Variants in TTC28 observed in about 807,000 individuals in gnomAD.
The protein encoded by TTC28 is tetratricopeptide repeat protein 28.
In TTC28, 61 loss-of-function variants were observed where a neutral mutation model predicts 198.0. The observed-to-expected ratio is 0.31, with a 90% CI of 0.25 to 0.38. The LOEUF (loss-of-function observed/expected upper bound fraction) is 0.38. Among genes scored for constraint, TTC28 ranks in the 10% least tolerant of loss-of-function variants. The probability of loss-of-function intolerance (pLI) is 1.00; values close to 1 mark genes in which losing one functional copy is unlikely to be tolerated. For missense variants in TTC28, 2,678 were observed against 3,164.0 expected (o/e 0.85, Z 3.69); for synonymous variants, 1,171 against 1,297.8 (o/e 0.90, Z 2.10).
chr22:28,193,582 A>G (rs187045491), intron 5 of TTC28, among the ~76,000 whole-genome samples: 297 of 152,282 alleles, frequency 2.0e-3, no homozygotes, highest in African/African-American at 6.2e-3. Flanking sequence ...AAATAAAGGG[A>G]TGGAGGAAGA....
chr22:28,297,690 T>C lies in TTC28; in HGVS notation c.692A>G (p.Lys231Arg), dbSNP rs1475470230. 1.0e-5 allele frequency: 16 copies of C among 1,551,524 alleles called. No individual in the cohort carries two copies. In the Admixed American group the frequency reaches 3.1e-4, roughly 30 times the overall value. The change falls in exon 4 of 23, where the codon AAA becomes AGA. Residue 231 changes from lysine to arginine, a missense_variant. Physicochemically the swap from Lys to Arg is conservative, Grantham distance 26. Coordinates refer to ENST00000397906, the MANE Select transcript of TTC28 (RefSeq NM_001145418.2). ...AALKIGTCSL[K>R]LRGSVFSALS... Reference sequence around the variant, plus strand: ...GGCAGAGAAAACAGAACCTCTCAGTTTGAGGCTGCAGGTGCCAATCTTCAG... The same window carrying C: ...GGCAGAGAAAACAGAACCTCTCAGTCTGAGGCTGCAGGTGCCAATCTTCAG...
intron 6 of TTC28, among the ~76,000 whole-genome samples, chr22:28,157,412 C>T (rs1222463473): frequency 6.6e-6 from 1 of 152,100 alleles, no homozygotes; most frequent in Non-Finnish European, 1.5e-5. Context: ...TTCCAAGAAA[C>T]AGAGAAGAGA....
intron 2 of TTC28, among the ~76,000 whole-genome samples, chr22:28,315,941 AGGGGT>A (rs1425361877): frequency 6.6e-6 from 1 of 152,176 alleles, no homozygotes. Context: ...GATCCAGAAG[AGGGGT>A]GCTGTTTTTA....
chr22:28,645,899 T>C (rs956591112), intron 1 of TTC28, among the ~76,000 whole-genome samples: 11 of 152,006 alleles, frequency 7.2e-5, no homozygotes, highest in African/African-American at 1.7e-4. Flanking sequence ...GTAGCTAGGA[T>C]TGCAGGCATG....
intron 2 of TTC28, among the ~76,000 whole-genome samples, chr22:28,393,020 G>A (rs2046758348): frequency 6.6e-6 from 1 of 151,892 alleles, no homozygotes; most frequent in African/African-American, 2.4e-5. Flanking sequence ...GGGACCATAG[G>A]TGCAAACCAC....
At chr22:28,423,526 A>G (rs1237489627) in intron 2 of TTC28, among the ~76,000 whole-genome samples, 1 of 152,374 alleles carries the variant, frequency 6.6e-6, no homozygotes, top group Non-Finnish European at 1.5e-5. Context: ...TCAGCCCTCT[A>G]TAGTTCTATA....
rs546484934 is a variant in TTC28, at chr22:28,459,434, G to GA, written c.382-152792dup. On this transcript the variant is annotated intron_variant, in intron 2 of 22. Transcript: ENST00000397906. ...TGACAGAGTGAGACCCGGTTTCAAA[G>GA]AAAAAAAAAATTAAAGAAAGAAAAA... Among the ~76,000 whole-genome samples, 446 of 148,464 alleles carry GA rather than the reference G, an allele frequency of 3.0e-3. 2 individuals are homozygous for GA. Among genetic ancestry groups the GA allele is most frequent in the African/African-American group, 0.01 (405 of 40,482 alleles).
At chr22:28,493,089 G>C (rs2048401448) in intron 2 of TTC28, among the ~76,000 whole-genome samples, 1 of 151,602 alleles carries the variant, frequency 6.6e-6, no homozygotes, top group Non-Finnish European at 1.5e-5. Context: ...GGGTGCAGAG[G>C]CTCACGCCTG....
At chr22:28,163,713 C>T (rs1439393785) in intron 5 of TTC28, 114 bp from the exon 6 acceptor site, 1 of 1,160,584 alleles carries the variant, frequency 8.6e-7, no homozygotes, top group Non-Finnish European at 1.2e-6. Flanking sequence ...CAGCTCTAGT[C>T]TACAGCTCCC....
intron 12 of TTC28, among the ~76,000 whole-genome samples, chr22:28,065,914 G>T (rs1940727738): frequency 6.6e-6 from 1 of 152,144 alleles, no homozygotes; most frequent in African/African-American, 2.4e-5. Context: ...CACAATCAAA[G>T]ACATTACTAG....
intron 2 of TTC28, among the ~76,000 whole-genome samples, chr22:28,420,895 C>A (rs1251190013): frequency 6.6e-6 from 1 of 152,056 alleles, no homozygotes; most frequent in African/African-American, 2.4e-5. Context: ...GCCATTGCAC[C>A]CAGCCAGAAA....
At chr22:27,998,323 A>G in intron 16 of TTC28, 1 of 760,560 alleles carries the variant, frequency 1.3e-6, no homozygotes, top group South Asian at 1.9e-5. Flanking sequence ...CTCATGGCAA[A>G]TGGTTCTGTT....
chr22:28,008,233 C>CA (rs1277032803), intron 14 of TTC28: 1 of 152,206 alleles, frequency 6.6e-6, no homozygotes, highest in African/African-American at 2.4e-5. Context: ...TCCTTTCCCC[C>CA]AGGGCAGTGA....
intron 1 of TTC28, among the ~76,000 whole-genome samples, chr22:28,674,171 G>A (rs757011601): frequency 2.0e-5 from 3 of 151,632 alleles, no homozygotes; most frequent in African/African-American, 4.8e-5. Context: ...TTCTTTAGTG[G>A]TTCCTCAAGC....
intron 12 of TTC28, among the ~76,000 whole-genome samples, chr22:28,056,833 C>A (rs1178824006): frequency 6.6e-6 from 1 of 152,174 alleles, no homozygotes; most frequent in Non-Finnish European, 1.5e-5. Context: ...TCGTCTGATT[C>A]TCTTCCACCA....
At chr22:28,017,136 C>T (rs1185664008) in intron 13 of TTC28, among the ~76,000 whole-genome samples, 3 of 152,190 alleles carry the variant, frequency 2.0e-5, no homozygotes, top group Non-Finnish European at 4.4e-5. Context: ...ATGGCTGCAG[C>T]ACGTGGAAAG....
intron 2 of TTC28, among the ~76,000 whole-genome samples, chr22:28,461,783 T>C (rs2047954483): frequency 6.6e-6 from 1 of 152,158 alleles, no homozygotes; most frequent in African/African-American, 2.4e-5. Flanking sequence ...ACCAATCCTG[T>C]CCTCCTTGAC....
intron 5 of TTC28, among the ~76,000 whole-genome samples, chr22:28,214,175 A>C (rs1389235233): frequency 2.0e-5 from 3 of 152,134 alleles, no homozygotes; most frequent in East Asian, 3.9e-4. Flanking sequence ...AACCATAAAA[A>C]CCCTAGAAGA....
intron 2 of TTC28, among the ~76,000 whole-genome samples, chr22:28,337,981 G>A (rs1379072841): frequency 6.6e-6 from 1 of 151,828 alleles, no homozygotes; most frequent in Non-Finnish European, 1.5e-5. Context: ...GCTGGTACCG[G>A]TTGTTCCTTT....
Sources: allele counts gnomAD v4.1 joint callset (sites outside exome capture counted in the v4.1 genomes callset), GRCh38; gene constraint gnomAD v4.1.1; transcripts MANE v1.5; gene names NCBI Gene and HGNC (gene_info 2026-07-23, HGNC 2026-07-21).